The following ANKRD36C variants were observed in gnomAD, a reference collection of about 807,000 sequenced individuals.
The protein encoded by ANKRD36C is ankyrin repeat domain 36C, also known as ankyrin repeat domain-containing protein 36C.
A neutral mutation model predicts 276.4 loss-of-function variants in ANKRD36C; 61 were observed. The ratio of observed to expected loss-of-function variants is 0.22; its 90% CI spans 0.18 to 0.27. The LOEUF (loss-of-function observed/expected upper bound fraction) is 0.27. ANKRD36C is among the 10% of genes least tolerant of loss of function. The probability of loss-of-function intolerance (pLI) is 1.00; values close to 1 mark genes in which losing one functional copy is unlikely to be tolerated. For missense variants in ANKRD36C, 1,447 were observed against 2,032.3 expected, an observed-to-expected ratio of 0.71 and a Z score of 5.54; for synonymous variants, 483 against 680.1, an observed-to-expected ratio of 0.71 and a Z score of 4.51.
rs1431798882 is a variant in ANKRD36C at position 95,902,792 on chromosome 2, G to A, written c.2654-3456C>T. On this transcript the variant is annotated intron_variant, in intron 42 of 66. Coordinates refer to ENST00000456556, the Ensembl canonical transcript of ANKRD36C. ...TCTCAGGACTGCTGAATCAGAATGTGCAGCTTCAACGAGCCCCCCGCTGAT... is the reference window on the plus strand; with the variant it reads ...TCTCAGGACTGCTGAATCAGAATGTACAGCTTCAACGAGCCCCCCGCTGAT... The A allele has an allele frequency of 4.6e-5, 63 of 1,369,234 alleles. 1 individual carries two copies. Among genetic ancestry groups the A allele is most frequent in the African/African-American group, 1.0e-4 (7 of 67,346 alleles). The allele number at this position is 1,369,234 out of a possible 1,614,324, so 84.8% of individuals were successfully genotyped here. A position where few individuals can be genotyped will look rare whatever the true frequency, so the allele number is the denominator to read the frequency against.
chr2:95,961,059 A>T (rs1039686763), intron 8 of ANKRD36C, among the ~76,000 whole-genome samples: 1 of 152,118 alleles, frequency 6.6e-6, no homozygotes, highest in Non-Finnish European at 1.5e-5. Flanking sequence ...AACACATCAG[A>T]GGGATTTATA....
At chr2:95,857,557 A>C (rs2260473) in intron 61 of ANKRD36C, 65 bp from the exon 82 acceptor site, 1 of 1,410,788 alleles carries the variant, frequency 7.1e-7, no homozygotes. Flanking sequence ...TTTTTATCTT[A>C]CCCAAATTCC....
intron 6 of ANKRD36C, among the ~76,000 whole-genome samples, chr2:95,966,570 G>A (rs548498427): frequency 2.0e-5 from 3 of 152,126 alleles, no homozygotes; most frequent in Non-Finnish European, 4.4e-5. Flanking sequence ...CTGTAGCCTT[G>A]TAGTATATTT....
intron 6 of ANKRD36C, among the ~76,000 whole-genome samples, chr2:95,966,016 GAACCCTAA>G (rs1678583998): frequency 6.6e-6 from 1 of 152,038 alleles, no homozygotes. Flanking sequence ...GTAGTATAGA[GAACCCTAA>G]AACCATAACA....
At chr2:95,891,800 C>T (rs762210247) in intron 45 of ANKRD36C, 32 bp downstream of exon 65, 3 of 1,559,164 alleles carry the variant, frequency 1.9e-6, no homozygotes, top group South Asian at 1.2e-5. Context: ...TATACATTTA[C>T]TAGTTCACAA....
chr2:95,920,891 T>G (rs921422586), intron 34 of ANKRD36C, among the ~76,000 whole-genome samples: 1 of 149,506 alleles, frequency 6.7e-6, no homozygotes, highest in Non-Finnish European at 1.5e-5. Context: ...TTTATCTCAT[T>G]TTTATAAGTC....
chr2:95,956,973 C>T (rs1278802471), intron 12 of ANKRD36C, among the ~76,000 whole-genome samples, 157 bp from the exon 13 acceptor site: 3 of 151,840 alleles, frequency 2.0e-5, no homozygotes, highest in African/African-American at 7.2e-5. Flanking sequence ...TTCAGACCAG[C>T]TTGGGCAGCA....
At chr2:95,887,851 C>T in intron 50 of ANKRD36C, 74 bp downstream of exon 70, 1 of 1,529,694 alleles carries the variant, frequency 6.5e-7, no homozygotes, top group Non-Finnish European at 8.8e-7. Flanking sequence ...GAGCCCCGCA[C>T]TGATTTGTTC....
intron 62 of ANKRD36C, among the ~76,000 whole-genome samples, chr2:95,856,752 C>T (rs191032823): frequency 2.0e-5 from 3 of 152,270 alleles, no homozygotes; most frequent in Admixed American, 2.0e-4. Flanking sequence ...AATCAATGAA[C>T]TCATTTAGTT....
chr2:95,929,190 C>T, intron 25 of ANKRD36C, 46 bp from the exon 26 acceptor site: 1 of 1,597,698 alleles, frequency 6.3e-7, no homozygotes, highest in Non-Finnish European at 8.5e-7. Flanking sequence ...AAGTAGGTTT[C>T]ATAGACTATA....
intron 59 of ANKRD36C, among the ~76,000 whole-genome samples, chr2:95,872,958 C>A (rs1675850846): frequency 6.6e-6 from 1 of 152,164 alleles, no homozygotes; most frequent in Non-Finnish European, 1.5e-5. Flanking sequence ...CCTCCCAAGA[C>A]TAAACCAGGA....
At chr2:95,856,930 A>G (rs1030576662) in intron 62 of ANKRD36C, among the ~76,000 whole-genome samples, 8 of 152,148 alleles carry the variant, frequency 5.3e-5, no homozygotes, top group Non-Finnish European at 8.8e-5. Context: ...AAGAAAATTA[A>G]ATCTATAAAG....
intron 44 of ANKRD36C, among the ~76,000 whole-genome samples, chr2:95,897,706 C>G (rs200518446): frequency 2.7e-5 from 4 of 145,626 alleles, no homozygotes; most frequent in African/African-American, 1.0e-4. Context: ...ATGCCAAAAA[C>G]TAAAATAAAA....
chr2:95,936,374 T>C (rs191929105), intron 22 of ANKRD36C, among the ~76,000 whole-genome samples: 2 of 76,516 alleles, frequency 2.6e-5, no homozygotes, highest in East Asian at 3.9e-4. Flanking sequence ...AATAAATAAA[T>C]AATACTCAAG....
At chr2:95,856,999 T>C (rs1053495412) in intron 62 of ANKRD36C, among the ~76,000 whole-genome samples, 9 of 152,152 alleles carry the variant, frequency 5.9e-5, no homozygotes, top group African/African-American at 1.7e-4. Context: ...TCCTTTTCCA[T>C]AACATTCGAA....
rs753014415 is a variant in ANKRD36C, at chr2:95,912,420, T to G, written c.2567A>C (p.Lys856Thr). 1.1e-5 allele frequency: 17 copies of G among 1,604,562 alleles called. No homozygotes were observed. The South Asian group carries it at 1.6e-4, about 16-fold the overall frequency. The change falls in exon 41 of 67, where the codon AAA (lysine) becomes ACA (threonine). Residue 856 changes from lysine (K) to threonine (T), a missense_variant. Physicochemically the swap from Lys to Thr is moderately conservative, Grantham distance 78 (BLOSUM62 -1). Coordinates refer to ENST00000456556, the Ensembl canonical transcript of ANKRD36C. ...GAGTTTCATTACCTTCAAGGCTGGT[T>G]TTTTCCGAGAAGACACTGAAAAGCA...
chr2:95,979,229 G>A (rs1373282362), intron 5 of ANKRD36C, among the ~76,000 whole-genome samples: 1 of 151,892 alleles, frequency 6.6e-6, no homozygotes, highest in Non-Finnish European at 1.5e-5. Context: ...ATTTTGTTTT[G>A]ATTCAAACTA....
intron 36 of ANKRD36C, among the ~76,000 whole-genome samples, chr2:95,917,249 C>T (rs1677126016): frequency 6.6e-6 from 1 of 151,556 alleles, no homozygotes; most frequent in African/African-American, 2.4e-5. Flanking sequence ...TCCAGTAGTT[C>T]CTGGAGCTGC....
rs532812765 is a variant in ANKRD36C at position 95,965,312 on chromosome 2, G to C, written c.800-2765C>G. On this transcript the variant is annotated intron_variant, in intron 6 of 66. Transcript: ENST00000456556. ...TTCTTCAAGGGCCTATTTGTCATTT[G>C]ACATCCGGGAACACTCTATAGGGAT... Among the ~76,000 whole-genome samples, 9 of 152,024 alleles carry C rather than the reference G, an allele frequency of 5.9e-5. No individual in the cohort carries two copies. The East Asian group carries it at 1.5e-3, about 26-fold the overall frequency.
Sources: gnomAD v4.1 joint callset for allele counts (sites outside exome capture counted in the v4.1 genomes callset) on GRCh38, gnomAD v4.1.1 for gene constraint, MANE v1.5 for transcripts, NCBI Gene and HGNC (gene_info 2026-07-23, HGNC 2026-07-21) for gene names.